Variants in NFIX observed in about 807,000 individuals in gnomAD.
NFIX encodes the protein nuclear factor I X.
In NFIX, 2 loss-of-function variants were observed where a neutral mutation model predicts 53.3. The observed-to-expected ratio is 0.04, with a 90% CI of 0.02 to 0.12. The LOEUF is 0.12. Ranked by LOEUF, NFIX falls within the 10% of genes least tolerant of loss-of-function variation. The probability of loss-of-function intolerance (pLI) is 1.00; values close to 1 mark genes in which losing one functional copy is unlikely to be tolerated. For missense variants in NFIX, 310 were observed against 674.5 expected (o/e 0.46, Z 5.99); for synonymous variants, 244 against 289.0 (o/e 0.84, Z 1.58).
chr19:13,031,644 C>T (rs888016220), intron 2 of NFIX, among the ~76,000 whole-genome samples: 1 of 152,158 alleles, frequency 6.6e-6, no homozygotes, highest in African/African-American at 2.4e-5. Context: ...TAGAAGGCTT[C>T]CTCCCGTAGG....
intron 8 of NFIX, among the ~76,000 whole-genome samples, chr19:13,087,586 G>A (rs1216300494): frequency 2.0e-5 from 3 of 152,020 alleles, no homozygotes; most frequent in East Asian, 3.9e-4. Context: ...TTGGGGAGCC[G>A]GGGGAGCAGG....
At position 13,074,023 on chromosome 19, in the gene NFIX, C is replaced by G; in HGVS notation, c.815C>G (p.Thr272Ser). Residue 272 changes from threonine (T) to serine (S), a missense_variant, in exon 5 of 11, where the codon ACC becomes AGC. Transcript: ENST00000592199. ...GRRSITSPPS[T>S]STTKRPKSID... is the part of the protein sequence containing the mutation. ...CGGTCCATCACCTCCCCTCCTTCCA[C>G]CAGGTAAGCCCAGTGGCCCTGCCTT... The G allele has an allele frequency of 1.2e-6, 2 of 1,613,978 alleles. No individual in the cohort carries two copies. The highest frequency in any genetic ancestry group is 1.7e-6 in the Non-Finnish European group (2 of 1,179,872).
chr19:13,019,122 T>TTG (rs1444614596), intron 1 of NFIX, among the ~76,000 whole-genome samples: 1 of 151,426 alleles, frequency 6.6e-6, no homozygotes, highest in African/African-American at 2.4e-5. Flanking sequence ...CATAGGATTT[T>TTG]TTTTTTTTTA....
chr19:13,034,685 A>G (rs1599757046), intron 2 of NFIX, among the ~76,000 whole-genome samples: 1 of 152,206 alleles, frequency 6.6e-6, no homozygotes, highest in Non-Finnish European at 1.5e-5. Flanking sequence ...AAGTTTTACA[A>G]TAATCTGCTA....
At position 13,024,710 on chromosome 19, in the gene NFIX, GC is replaced by G. The variant is rs1365060508; in HGVS notation, c.28-310del. On this transcript the variant is annotated intron_variant, in intron 1 of 10. Transcript: ENST00000592199. ...GTGTGTGGACGGCAACGTTGTCTGT[GC>G]GCGTGTGTGTGAGTGAGTGAGGGAG... The G allele has an allele frequency of 2.0e-6, 3 of 1,536,238 alleles. No homozygotes were observed. The Admixed American group carries it at 5.9e-5, about 30-fold the overall frequency.
chr19:13,084,416 T>C (rs886421819), intron 8 of NFIX, among the ~76,000 whole-genome samples: 18 of 151,166 alleles, frequency 1.2e-4, no homozygotes, highest in Non-Finnish European at 2.7e-4. Context: ...TGCACTCCAG[T>C]CTGGGCGACA....
In NFIX at chr19:13,078,561, A is replaced by G. The variant is rs2145458280; in HGVS notation, c.956-52A>G. The stretch of plus-strand genomic sequence containing the variant: ...GCTGCTGGCTTCCCGCCTTCCCCGC[A>G]CCCACCCCAGCCCAGCTAAACCTGC... On this transcript the variant is annotated intron_variant, in intron 6 of 10. Transcript: ENST00000592199. The surrounding 1 kb of genome is among the most constrained non-coding windows in gnomAD (Gnocchi z 4.7). 2 of 1,559,030 alleles carry G rather than the reference A, an allele frequency of 1.3e-6. No individual in the cohort carries two copies. Among genetic ancestry groups the G allele is most frequent in the Non-Finnish European group, 1.7e-6 (2 of 1,149,532 alleles).
At chr19:13,026,083 A>G (rs2013321937) in intron 2 of NFIX, among the ~76,000 whole-genome samples, 1 of 152,194 alleles carries the variant, frequency 6.6e-6, no homozygotes, top group African/African-American at 2.4e-5. Context: ...CTGAATGAAC[A>G]GAAAAGAGGA....
chr19:13,078,971 T>C lies in NFIX; in HGVS notation c.1078+236T>C, dbSNP rs1410025245. The stretch of plus-strand genomic sequence containing the variant: ...CCTGGCTCCTGAGCAACCTCCCACT[T>C]CTCACTCCTCACGTGCATGGGTGCT... On this transcript the variant is annotated intron_variant, in intron 7 of 10. Coordinates refer to ENST00000592199, the MANE Select transcript of NFIX (RefSeq NM_001365902.3). The surrounding 1 kb of genome is among the most constrained non-coding windows in gnomAD (Gnocchi z 4.7). Among the ~76,000 whole-genome samples, 2 of 152,152 alleles carry C rather than the reference T, an allele frequency of 1.3e-5. No homozygotes were observed. The highest frequency in any genetic ancestry group is 4.8e-5 in the African/African-American group (2 of 41,430).
rs1568310390 is a variant in NFIX at position 13,067,504 on chromosome 19, GTATGTGTGTGTC to G, written c.560-5541_560-5530del. Among the ~76,000 whole-genome samples the G allele has an allele frequency of 6.0e-5, 8 of 133,716 alleles. No individual in the cohort carries two copies. Among genetic ancestry groups the G allele is most frequent in the Non-Finnish European group, 1.3e-4 (8 of 60,358 alleles). The allele number at this position is 133,716 out of a possible 152,430, so 87.7% of individuals were successfully genotyped here. A position where few individuals can be genotyped will look rare whatever the true frequency, so the allele number is the denominator to read the frequency against. ...TGTGCGTGTGTGTGTGTGTGTGTGT[GTATGTGTGTGTC>G]TGAGTCTGAGCATATGAGTGTATGC... is the stretch of plus-strand genomic sequence containing the variant. On this transcript the variant is annotated intron_variant, in intron 2 of 10. Coordinates refer to ENST00000592199, the MANE Select transcript of NFIX (RefSeq NM_001365902.3). This position sits in a 1 kb window ranked among gnomAD's most constrained non-coding sequence, Gnocchi z 4.2.
rs1467753392 is a variant in NFIX, at chr19:13,045,588, A to T, written c.559+20036A>T. Among the ~76,000 whole-genome samples, 1 of 152,124 alleles carries T rather than the reference A, an allele frequency of 6.6e-6. No individual in the cohort carries two copies. The highest frequency in any genetic ancestry group is 1.5e-5 in the Non-Finnish European group (1 of 68,006). The stretch of plus-strand genomic sequence containing the variant: ...CAAGGAGGGCTCTAAGAACTCCCTG[A>T]TGCTGAGTCTGGAGACCTTGGCCCA... On this transcript the variant is annotated intron_variant, in intron 2 of 10. Transcript: ENST00000592199. This position sits in a 1 kb window ranked among gnomAD's most constrained non-coding sequence, Gnocchi z 4.4.
Position 13,073,239 on chromosome 19 carries a change from G to T in NFIX, c.622+130G>T. On this transcript the variant is annotated intron_variant, in intron 3 of 10. Transcript: ENST00000592199. This position sits in a 1 kb window ranked among gnomAD's most constrained non-coding sequence, Gnocchi z 4.5. ...GCTGTCCCTTGACTGAGCTTAGCTT[G>T]CTGTCCTGAGGGGATGGGGGCACAC... 9.7e-7 allele frequency: 1 copy of T among 1,034,694 alleles called. No individual in the cohort carries two copies. Among genetic ancestry groups the T allele is most frequent in the South Asian group, 1.3e-5 (1 of 77,212 alleles). 64.1% of individuals were successfully genotyped at this position (1,034,694 alleles called of 1,614,324 possible). A position where few individuals can be genotyped will look rare whatever the true frequency, so the allele number is the denominator to read the frequency against.
In NFIX at chr19:13,090,811, G is replaced by A. The variant is rs576583643; in HGVS notation, c.1494+421G>A. On this transcript the variant is annotated intron_variant, in intron 10 of 10. Transcript: ENST00000592199. The surrounding 1 kb of genome is among the most constrained non-coding windows in gnomAD (Gnocchi z 6.6). ...CCTGGCGTTGGGTGGGCTGGGTGACGGGTGGAGGAGGGACAGAGGGCCTGG... is the reference window on the plus strand; with the variant it reads ...CCTGGCGTTGGGTGGGCTGGGTGACAGGTGGAGGAGGGACAGAGGGCCTGG... Among the ~76,000 whole-genome samples the A allele has an allele frequency of 1.3e-5, 2 of 152,324 alleles. No individual in the cohort carries two copies. The highest frequency in any genetic ancestry group is 2.9e-5 in the Non-Finnish European group (2 of 68,008).
intron 2 of NFIX, among the ~76,000 whole-genome samples, chr19:13,050,356 G>A (rs1019565213): frequency 6.6e-5 from 10 of 152,138 alleles, no homozygotes; most frequent in Non-Finnish European, 1.3e-4. Flanking sequence ...TTTTACCCCC[G>A]GCCTGGCTGT....
At chr19:13,061,085 C>A (rs576531393) in intron 2 of NFIX, among the ~76,000 whole-genome samples, 3 of 149,580 alleles carry the variant, frequency 2.0e-5, no homozygotes, top group African/African-American at 4.9e-5. Flanking sequence ...GCCTTAGACC[C>A]CCCCCTCCCC....
At chr19:13,065,746 C>T (rs773247310) in intron 2 of NFIX, among the ~76,000 whole-genome samples, 2 of 152,106 alleles carry the variant, frequency 1.3e-5, no homozygotes, top group Admixed American at 6.5e-5. Flanking sequence ...CTTCTTCTGC[C>T]GCTCCATGCC....
chr19:13,035,915 A>G (rs2014153541), intron 2 of NFIX, among the ~76,000 whole-genome samples: 1 of 152,196 alleles, frequency 6.6e-6, no homozygotes, highest in Non-Finnish European at 1.5e-5. Flanking sequence ...TGCAGAGCCA[A>G]TGTCCCTGTC....
chr19:13,047,612 G>A (rs902822262), intron 2 of NFIX, among the ~76,000 whole-genome samples: 1 of 152,166 alleles, frequency 6.6e-6, no homozygotes, highest in Non-Finnish European at 1.5e-5. Flanking sequence ...GCCATGTGTT[G>A]AGCTCTAGGC....
At chr19:13,064,265 G>A (rs937950390) in intron 2 of NFIX, among the ~76,000 whole-genome samples, 3 of 152,188 alleles carry the variant, frequency 2.0e-5, no homozygotes, top group Non-Finnish European at 2.9e-5. Context: ...TCCAGCTGCC[G>A]GCTGAATCGT....
Sources: gnomAD v4.1 joint callset for allele counts (sites outside exome capture counted in the v4.1 genomes callset) on GRCh38, gnomAD v4.1.1 for gene constraint, Gnocchi (gnomAD v3.1) non-coding constraint, MANE v1.5 for transcripts, NCBI Gene and HGNC (gene_info 2026-07-23, HGNC 2026-07-21) for gene names.